G3BP2: variants seen among roughly 807,000 people sequenced by gnomAD.
G3BP2 encodes ras GTPase-activating protein-binding protein 2.
G3BP2 carries 11 observed loss-of-function variants against 56.7 expected under a neutral mutation model. That is an observed-to-expected ratio of 0.19 (90% CI 0.12 to 0.32). The LOEUF (loss-of-function observed/expected upper bound fraction) is 0.32, where lower values mean the gene tolerates loss of function less well. G3BP2 is among the 10% of genes least tolerant of loss of function. The pLI is 1.00. For missense variants in G3BP2, 340 were observed against 610.9 expected (o/e 0.56, Z 4.67); for synonymous variants, 165 against 191.6 (o/e 0.86, Z 1.15).
intron 3 of G3BP2, among the ~76,000 whole-genome samples, chr4:75,698,001 A>T (rs980991841): frequency 6.6e-6 from 1 of 152,236 alleles, no homozygotes; most frequent in African/African-American, 2.4e-5. Context: ...TTTATATATA[A>T]GTATAAATAC....
chr4:75,667,140 T>G (rs761700211), intron 1 of G3BP2, among the ~76,000 whole-genome samples: 1 of 151,866 alleles, frequency 6.6e-6, no homozygotes, highest in Non-Finnish European at 1.5e-5. Flanking sequence ...ATACAAAAAA[T>G]TAGCGGGGCG....
intron 3 of G3BP2, among the ~76,000 whole-genome samples, chr4:75,717,746 G>C (rs1044111774): frequency 6.6e-6 from 1 of 152,122 alleles, no homozygotes; most frequent in Non-Finnish European, 1.5e-5. Flanking sequence ...TGAGGTGTTG[G>C]GGGAGAGACA....
intron 1 of G3BP2, among the ~76,000 whole-genome samples, chr4:75,722,539 G>A (rs1328375401): frequency 1.3e-5 from 2 of 152,158 alleles, no homozygotes; most frequent in African/African-American, 4.8e-5. Flanking sequence ...CAGGGACAAG[G>A]TGAAGTGAGG....
chr4:75,647,692 AC>A (rs1731335187), intron 9 of G3BP2, among the ~76,000 whole-genome samples: 1 of 152,228 alleles, frequency 6.6e-6, no homozygotes, highest in Non-Finnish European at 1.5e-5. Flanking sequence ...AATAGGCAAT[AC>A]AAGAATAATT....
intron 2 of G3BP2, among the ~76,000 whole-genome samples, chr4:75,721,090 G>A: frequency 6.6e-6 from 1 of 151,778 alleles, no homozygotes; most frequent in Non-Finnish European, 1.5e-5. Context: ...GGATGTATGT[G>A]CCACCACGCC....
chr4:75,694,777 C>T, intron 3 of G3BP2: 1 of 986,562 alleles, frequency 1.0e-6, no homozygotes, highest in Non-Finnish European at 1.2e-6. Context: ...AACAAAAAAC[C>T]ACTATGTCTT....
chr4:75,667,150 G>T (rs144985987), intron 1 of G3BP2, among the ~76,000 whole-genome samples: 26 of 152,164 alleles, frequency 1.7e-4, no homozygotes, highest in African/African-American at 6.0e-4. Flanking sequence ...TTAGCGGGGC[G>T]TGGTAGTGTG....
intron 8 of G3BP2, among the ~76,000 whole-genome samples, chr4:75,649,331 G>A (rs1361058104): frequency 6.6e-6 from 1 of 152,254 alleles, no homozygotes; most frequent in South Asian, 2.1e-4. Context: ...GAAACTTATA[G>A]GAACTTGTAT....
chr4:75,678,747 G>A (rs945971698), intron 3 of G3BP2, among the ~76,000 whole-genome samples: 1 of 152,158 alleles, frequency 6.6e-6, no homozygotes, highest in Non-Finnish European at 1.5e-5. Context: ...CTATAGGCAG[G>A]ATGTTTCACT....
chr4:75,683,517 T>C (rs907246080), intron 3 of G3BP2, among the ~76,000 whole-genome samples: 8 of 151,964 alleles, frequency 5.3e-5, no homozygotes, highest in Admixed American at 4.6e-4. Flanking sequence ...TGAGCCGAGA[T>C]TGTGCCATTG....
upstream of G3BP2, chr4:75,673,673 C>T (rs1174319877): frequency 8.3e-7 from 1 of 1,204,680 alleles, no homozygotes; most frequent in African/African-American, 1.6e-5. Context: ...TTCTCCGGTC[C>T]CGAGGCTCCA....
At chr4:75,669,874 C>T (rs886927785) in intron 1 of G3BP2, among the ~76,000 whole-genome samples, 1 of 151,988 alleles carries the variant, frequency 6.6e-6, no homozygotes, top group African/African-American at 2.4e-5. Context: ...GGGTGGATCA[C>T]CTGAGGTCAG....
intron 8 of G3BP2, among the ~76,000 whole-genome samples, chr4:75,649,316 T>A (rs563304598): frequency 6.6e-6 from 1 of 152,296 alleles, no homozygotes; most frequent in East Asian, 1.9e-4. Context: ...GTTAAAAAAA[T>A]GACAGAAACT....
At chr4:75,704,628 T>TTTTAA (rs1719474991) in intron 3 of G3BP2, among the ~76,000 whole-genome samples, 1 of 149,906 alleles carries the variant, frequency 6.7e-6, no homozygotes, top group Admixed American at 6.6e-5. Context: ...CAATATATTT[T>TTTTAA]TTTAATTTAA....
At chr4:75,686,692 G>C (rs919473654) in intron 3 of G3BP2, among the ~76,000 whole-genome samples, 6 of 152,076 alleles carry the variant, frequency 3.9e-5, no homozygotes, top group African/African-American at 9.7e-5. Context: ...ATCTCACAAA[G>C]GGGGGAAATG....
At chr4:75,679,390 T>C (rs1733990757) in intron 3 of G3BP2, among the ~76,000 whole-genome samples, 1 of 152,220 alleles carries the variant, frequency 6.6e-6, no homozygotes, top group African/African-American at 2.4e-5. Context: ...CTCCCTGCAA[T>C]CTTTCCAGCC....
intron 3 of G3BP2, among the ~76,000 whole-genome samples, chr4:75,720,163 T>C (rs2149122821): frequency 6.6e-6 from 1 of 151,988 alleles, no homozygotes; most frequent in South Asian, 2.1e-4. Context: ...CACGCCCAGC[T>C]ACCAAAACCT....
rs773256721 is a variant in G3BP2, at chr4:75,655,285, C to A, written c.546-39G>T. The A allele has an allele frequency of 1.3e-5, 19 of 1,456,692 alleles. No homozygotes were observed. In the South Asian group the frequency reaches 2.3e-4, roughly 17 times the overall value. The allele number at this position is 1,456,692 out of a possible 1,614,324, so 90.2% of individuals were successfully genotyped here. ...TTTAGTTCACTTTTTAGTAGGAGTT[C>A]AAGTAAGAAAAAATTCAATTTCTCT... is the stretch of plus-strand genomic sequence containing the variant. On this transcript the variant is annotated intron_variant, in intron 6 of 11. Transcript: ENST00000359707.
chr4:75,654,191 T>C (rs1366460803), intron 7 of G3BP2, 110 bp from the exon 8 acceptor site: 3 of 598,836 alleles, frequency 5.0e-6, no homozygotes, highest in Middle Eastern at 5.6e-4. Flanking sequence ...TATTGCTCTA[T>C]ATTGGAAGAC....
Sources: allele counts gnomAD v4.1 joint callset (sites outside exome capture counted in the v4.1 genomes callset), GRCh38; gene constraint gnomAD v4.1.1; transcripts MANE v1.5; gene names NCBI Gene and HGNC (gene_info 2026-07-23, HGNC 2026-07-21).